The following SUGCT variants were observed in gnomAD, a reference collection of about 807,000 sequenced individuals.
The protein encoded by SUGCT is succinyl-CoA:glutarate-CoA transferase.
In SUGCT, 41 loss-of-function variants were observed where a neutral mutation model predicts 55.0. The ratio of observed to expected loss-of-function variants is 0.74; its 90% CI spans 0.58 to 0.97. SUGCT has a LOEUF of 0.97. SUGCT is among the 50% of genes least tolerant of loss of function. SUGCT has a pLI of 0.00. For missense variants in SUGCT, 568 were observed against 547.8 expected, an observed-to-expected ratio of 1.04 and a Z score of -0.37; for synonymous variants, 187 against 200.4, an observed-to-expected ratio of 0.93 and a Z score of 0.56.
chr7:40,187,972 C>T (rs1383628424), intron 3 of SUGCT, among the ~76,000 whole-genome samples: 3 of 151,886 alleles, frequency 2.0e-5, no homozygotes, highest in Admixed American at 2.0e-4. Flanking sequence ...TGAGATGAGC[C>T]TGACCAATAT....
At chr7:40,812,473 T>G (rs1244262422) in intron 13 of SUGCT, among the ~76,000 whole-genome samples, 1 of 152,100 alleles carries the variant, frequency 6.6e-6, no homozygotes, top group Admixed American at 6.6e-5. Flanking sequence ...TTCCAGAAAT[T>G]TATTCATTTT....
At chr7:40,799,528 A>G (rs1790711495) in intron 13 of SUGCT, among the ~76,000 whole-genome samples, 1 of 152,214 alleles carries the variant, frequency 6.6e-6, no homozygotes, top group African/African-American at 2.4e-5. Context: ...GAAACGCTTT[A>G]CCATTCATAA....
chr7:40,956,549 G>T, the SUGCT span, among the ~76,000 whole-genome samples: 3 of 151,818 alleles, frequency 2.0e-5, no homozygotes, highest in Non-Finnish European at 4.4e-5. Flanking sequence ...GGTCTATTTT[G>T]TTTATCTTTT....
chr7:40,922,137 C>T, the SUGCT span, among the ~76,000 whole-genome samples: 3 of 152,128 alleles, frequency 2.0e-5, no homozygotes, highest in African/African-American at 7.2e-5. Flanking sequence ...GTTTTTACTC[C>T]AGGGTTTAGA....
intron 1 of SUGCT, among the ~76,000 whole-genome samples, chr7:40,166,322 C>T (rs930122247): frequency 4.5e-4 from 68 of 152,084 alleles, no homozygotes; most frequent in African/African-American, 1.5e-3. Flanking sequence ...AGCAGGGAGT[C>T]GAATCCAGGC....
Position 40,147,166 on chromosome 7 carries a change from G to A in SUGCT, c.100+12046G>A, listed in dbSNP as rs562233065. ...TGTTCTCCCCTCTCCTTCCCCTTCC[G>A]CTAGGGGAGGGACCAGCAGGAGTGG... On this transcript the variant is annotated intron_variant, in intron 1 of 13. Transcript: ENST00000335693. Among the ~76,000 whole-genome samples the A allele has an allele frequency of 2.6e-5, 4 of 151,800 alleles. No individual in the cohort carries two copies. The South Asian group carries it at 6.2e-4, about 24-fold the overall frequency.
At chr7:40,141,814 T>G (rs1344993796) in intron 1 of SUGCT, 2 of 397,028 alleles carry the variant, frequency 5.0e-6, no homozygotes, top group South Asian at 4.0e-5. Flanking sequence ...ATTTTCTTTT[T>G]AATTCTCAGC....
the SUGCT span, among the ~76,000 whole-genome samples, chr7:41,017,061 C>T: frequency 6.6e-6 from 1 of 152,214 alleles, no homozygotes; most frequent in Non-Finnish European, 1.5e-5. Flanking sequence ...CGTTACTCAG[C>T]CATGCGCTTG....
intron 13 of SUGCT, among the ~76,000 whole-genome samples, chr7:40,852,756 AT>A (rs1793916981): frequency 6.6e-6 from 1 of 152,096 alleles, no homozygotes; most frequent in East Asian, 1.9e-4. Flanking sequence ...CCATTTAGAA[AT>A]GCCCTTTCTC....
intron 1 of SUGCT, 50 bp downstream of exon 1, chr7:40,135,170 T>C (rs1443498348): frequency 2.0e-6 from 3 of 1,511,078 alleles, no homozygotes; most frequent in Non-Finnish European, 2.7e-6. Flanking sequence ...CTGCCCCAGC[T>C]TGCCTCCTCG....
the SUGCT span, among the ~76,000 whole-genome samples, chr7:40,999,000 T>C: frequency 6.6e-6 from 1 of 152,222 alleles, no homozygotes; most frequent in Non-Finnish European, 1.5e-5. Context: ...CATGTGTAAA[T>C]ATATACCCAA....
chr7:40,350,277 CTTATTTATTTATTTATTTATTTAT>C (rs202108546), intron 9 of SUGCT, among the ~76,000 whole-genome samples: 2,127 of 137,108 alleles, frequency 0.016, 52 homozygotes, highest in South Asian at 0.064. Context: ...ATTACTATAT[CTTATTTATTTATTTATTTATTTAT>C]TTATTTATTT....
chr7:40,921,355 A>G, the SUGCT span, among the ~76,000 whole-genome samples: 1 of 152,162 alleles, frequency 6.6e-6, no homozygotes, highest in East Asian at 1.9e-4. Context: ...TTCAAAATCC[A>G]AAGTTGCTGC....
intron 8 of SUGCT, among the ~76,000 whole-genome samples, chr7:40,278,223 G>A (rs1436104186): frequency 2.6e-5 from 4 of 152,150 alleles, no homozygotes; most frequent in Non-Finnish European, 5.9e-5. Flanking sequence ...AAACCACAGT[G>A]AGATACCGTC....
chr7:40,366,145 CA>C (rs1197223019), intron 9 of SUGCT, among the ~76,000 whole-genome samples: 1 of 152,000 alleles, frequency 6.6e-6, no homozygotes, highest in Non-Finnish European at 1.5e-5. Context: ...ACAAACCTGA[CA>C]AAAACAAGAA....
At chr7:40,398,804 G>A (rs1785901078) in intron 9 of SUGCT, among the ~76,000 whole-genome samples, 1 of 152,104 alleles carries the variant, frequency 6.6e-6, no homozygotes. Context: ...GAGGGGTCTG[G>A]AGGGGATTTG....
intron 13 of SUGCT, among the ~76,000 whole-genome samples, chr7:40,812,470 A>C (rs1791472776): frequency 1.3e-5 from 2 of 151,970 alleles, no homozygotes; most frequent in Non-Finnish European, 2.9e-5. Flanking sequence ...TGTTTCCAGA[A>C]ATTTATTCAT....
intron 13 of SUGCT, among the ~76,000 whole-genome samples, chr7:40,830,961 A>G (rs1360797847): frequency 5.3e-5 from 8 of 152,230 alleles, no homozygotes; most frequent in Non-Finnish European, 1.2e-4. Context: ...GCTGCTGAAG[A>G]TTGTAATAAT....
chr7:40,620,059 C>G (rs1324758601), intron 12 of SUGCT, among the ~76,000 whole-genome samples: 1 of 152,204 alleles, frequency 6.6e-6, no homozygotes, highest in Non-Finnish European at 1.5e-5. Flanking sequence ...CTCATACTTC[C>G]ATTCTCAAGA....
Sources: gnomAD v4.1 joint callset for allele counts (sites outside exome capture counted in the v4.1 genomes callset) on GRCh38, gnomAD v4.1.1 for gene constraint, MANE v1.5 for transcripts, NCBI Gene and HGNC (gene_info 2026-07-23, HGNC 2026-07-21) for gene names.